The following PTPRD variants were observed in gnomAD, a reference collection of about 807,000 sequenced individuals.
PTPRD encodes the protein protein tyrosine phosphatase receptor type D.
PTPRD carries 34 observed loss-of-function variants against 214.5 expected under a neutral mutation model. The ratio of observed to expected loss-of-function variants is 0.16; its 90% CI spans 0.12 to 0.21. PTPRD has a LOEUF of 0.21. Among genes scored for constraint, PTPRD ranks in the 10% least tolerant of loss-of-function variants. PTPRD has a pLI of 1.00. For synonymous variants in PTPRD, 1,128 were observed against 845.7 expected, an observed-to-expected ratio of 1.33 and a Z score of -5.79; for missense variants, 2,545 against 2,398.7, an observed-to-expected ratio of 1.06 and a Z score of -1.27.
chr9:9,442,159 C>T (rs569006300), intron 8 of PTPRD: 1 of 152,158 alleles, frequency 6.6e-6, no homozygotes, highest in African/African-American at 2.4e-5. Flanking sequence ...TGCGCTATGC[C>T]GATCGGGTGT....
At chr9:9,734,330 A>C (rs2098254587) in intron 7 of PTPRD, among the ~76,000 whole-genome samples, 1 of 152,160 alleles carries the variant, frequency 6.6e-6, no homozygotes, top group African/African-American at 2.4e-5. Flanking sequence ...AATCTCCAAG[A>C]AGTATCTGGA....
chr9:9,460,001 C>T (rs1283582305), intron 8 of PTPRD, among the ~76,000 whole-genome samples: 1 of 151,852 alleles, frequency 6.6e-6, no homozygotes. Context: ...ATAGACACAT[C>T]GATCAACAGA....
chr9:8,774,527 C>CTTTTTTTTTT (rs564318443), intron 11 of PTPRD, among the ~76,000 whole-genome samples: 20 of 105,214 alleles, frequency 1.9e-4, no homozygotes, highest in African/African-American at 4.4e-4. Context: ...TGAAAAGTAA[C>CTTTTTTTTTT]TTTTTTTTTT....
At chr9:10,500,388 G>C (rs1356415969) in intron 2 of PTPRD, among the ~76,000 whole-genome samples, 1 of 151,868 alleles carries the variant, frequency 6.6e-6, no homozygotes, top group Non-Finnish European at 1.5e-5. Context: ...AGGGTTCATG[G>C]ACAACCTTGA....
chr9:9,820,580 T>C (rs755452053), intron 5 of PTPRD, among the ~76,000 whole-genome samples: 1 of 152,192 alleles, frequency 6.6e-6, no homozygotes, highest in Non-Finnish European at 1.5e-5. Flanking sequence ...CAGAATGGCA[T>C]TTCCTAGGTT....
At chr9:8,481,402 G>C (rs1029950426) in intron 30 of PTPRD, among the ~76,000 whole-genome samples, 1 of 152,120 alleles carries the variant, frequency 6.6e-6, no homozygotes, top group African/African-American at 2.4e-5. Flanking sequence ...ATGTGTATCA[G>C]GTCTGAATTT....
intron 39 of PTPRD, among the ~76,000 whole-genome samples, chr9:8,373,627 GT>G (rs2082204459): frequency 6.4e-5 from 2 of 31,316 alleles, no homozygotes; most frequent in African/African-American, 1.2e-4. Context: ...GTGTGTGTGT[GT>G]GTGTGTGTGT....
intron 3 of PTPRD, among the ~76,000 whole-genome samples, chr9:10,049,455 T>G (rs2097485747): frequency 7.6e-6 from 1 of 131,504 alleles, no homozygotes; most frequent in African/African-American, 2.7e-5. Context: ...AAAAAAACCC[T>G]TCTATATGTG....
chr9:8,705,153 G>C (rs2154398741), intron 12 of PTPRD, among the ~76,000 whole-genome samples: 2 of 152,242 alleles, frequency 1.3e-5, no homozygotes, highest in South Asian at 2.1e-4. Flanking sequence ...TCAAATTTGT[G>C]TAATTCTCAC....
At chr9:9,287,338 CCTTT>C (rs1949818695) in intron 9 of PTPRD, among the ~76,000 whole-genome samples, 1 of 151,758 alleles carries the variant, frequency 6.6e-6, no homozygotes, top group Non-Finnish European at 1.5e-5. Context: ...TTCATCGTCA[CCTTT>C]TTCTCCACAA....
chr9:9,242,815 C>A (rs1029443380), intron 9 of PTPRD, among the ~76,000 whole-genome samples: 1 of 152,112 alleles, frequency 6.6e-6, no homozygotes, highest in Non-Finnish European at 1.5e-5. Flanking sequence ...GAATTTTGAT[C>A]ATCTGCAGCC....
intron 10 of PTPRD, among the ~76,000 whole-genome samples, chr9:9,170,610 C>G (rs753070140): frequency 1.3e-5 from 2 of 152,124 alleles, no homozygotes. Flanking sequence ...AGGCCAAAGG[C>G]TAATTTTCAA....
intron 10 of PTPRD, among the ~76,000 whole-genome samples, chr9:9,073,324 G>C (rs140554494): frequency 6.6e-6 from 1 of 152,292 alleles, no homozygotes; most frequent in East Asian, 1.9e-4. Flanking sequence ...TAATATATCT[G>C]AGATGGTATG....
intron 6 of PTPRD, 119 bp from the exon 7 acceptor site, chr9:9,734,690 T>C (rs2098261495): frequency 6.6e-6 from 1 of 152,172 alleles, no homozygotes; most frequent in South Asian, 2.1e-4. Context: ...GCTGGCTGAA[T>C]AAACACTTTA....
At chr9:9,445,034 AG>A (rs1569568387) in intron 8 of PTPRD, among the ~76,000 whole-genome samples, 2 of 152,174 alleles carry the variant, frequency 1.3e-5, no homozygotes, top group African/African-American at 2.4e-5. Context: ...AAAATGAGTG[AG>A]CAACAAACAC....
chr9:9,513,051 C>T (rs926032926), intron 8 of PTPRD, among the ~76,000 whole-genome samples: 22 of 151,794 alleles, frequency 1.4e-4, no homozygotes, highest in African/African-American at 5.3e-4. Flanking sequence ...CTACTACTGG[C>T]CTGTAATTAG....
chr9:10,080,853 G>C (rs1310658391), intron 3 of PTPRD, among the ~76,000 whole-genome samples: 1 of 151,998 alleles, frequency 6.6e-6, no homozygotes, highest in Non-Finnish European at 1.5e-5. Flanking sequence ...GAGACATACA[G>C]TTATTGGTAT....
At chr9:8,379,687 A>G (rs2135134251) in intron 37 of PTPRD, among the ~76,000 whole-genome samples, 1 of 152,238 alleles carries the variant, frequency 6.6e-6, no homozygotes, top group African/African-American at 2.4e-5. Context: ...GAGAGTTACT[A>G]TTTGTTAGGC....
chr9:10,274,289 T>C (rs1039006707), intron 3 of PTPRD, among the ~76,000 whole-genome samples: 5 of 152,124 alleles, frequency 3.3e-5, no homozygotes, highest in African/African-American at 9.6e-5. Flanking sequence ...ACAGATTGAC[T>C]TGCTAGGAAT....
Sources: allele counts gnomAD v4.1 joint callset (sites outside exome capture counted in the v4.1 genomes callset), GRCh38; gene constraint gnomAD v4.1.1; transcripts MANE v1.5; gene names NCBI Gene and HGNC (gene_info 2026-07-23, HGNC 2026-07-21).